Variants in CALN1 observed in about 807,000 individuals in gnomAD.
CALN1 encodes calneuron 1, also known as calcium-binding protein 8.
Under a neutral mutation model 30.6 loss-of-function variants are expected in CALN1, and 17 were observed. The observed-to-expected ratio is 0.56, with a 90% CI of 0.38 to 0.83. The LOEUF (loss-of-function observed/expected upper bound fraction) is 0.83, where lower values mean the gene tolerates loss of function less well. Among genes scored for constraint, CALN1 ranks in the 40% least tolerant of loss-of-function variants. The pLI is 0.00. For missense variants in CALN1, 291 were observed against 354.9 expected, an observed-to-expected ratio of 0.82 and a Z score of 1.45; for synonymous variants, 156 against 131.4, an observed-to-expected ratio of 1.19 and a Z score of -1.28.
intron 1 of CALN1, among the ~76,000 whole-genome samples, chr7:72,406,157 G>A (rs186255972): frequency 5.9e-5 from 9 of 152,198 alleles, no homozygotes; most frequent in Non-Finnish European, 1.0e-4. Context: ...GCCAGAAGCC[G>A]TCTCTCCAGA....
chr7:72,454,837 T>C, the CALN1 span, among the ~76,000 whole-genome samples: 1 of 147,536 alleles, frequency 6.8e-6, no homozygotes, highest in East Asian at 2.0e-4. Flanking sequence ...TCTGGTCTCT[T>C]TTTTTTTTTT....
At chr7:72,079,889 G>C (rs1016276971) in intron 4 of CALN1, among the ~76,000 whole-genome samples, 2 of 148,536 alleles carry the variant, frequency 1.3e-5, no homozygotes, top group Non-Finnish European at 3.0e-5. Flanking sequence ...TCCTGCCTCA[G>C]CCTCCCGAGT....
intron 5 of CALN1, among the ~76,000 whole-genome samples, chr7:71,919,311 G>C (rs1172298399): frequency 6.6e-6 from 1 of 152,176 alleles, no homozygotes; most frequent in Admixed American, 6.5e-5. Flanking sequence ...TTGAATGTAA[G>C]ACTGTCCACC....
At chr7:71,829,951 G>A (rs1423412451) in intron 5 of CALN1, among the ~76,000 whole-genome samples, 1 of 151,970 alleles carries the variant, frequency 6.6e-6, no homozygotes, top group Non-Finnish European at 1.5e-5. Flanking sequence ...TGAAGATGAG[G>A]ACTTACTGAA....
chr7:72,072,705 C>G (rs1476578280), intron 4 of CALN1, among the ~76,000 whole-genome samples: 1 of 152,090 alleles, frequency 6.6e-6, no homozygotes, highest in Non-Finnish European at 1.5e-5. Flanking sequence ...AAGAAATTAT[C>G]AATTTATAGT....
At chr7:72,177,494 G>C (rs1024983615) in intron 3 of CALN1, among the ~76,000 whole-genome samples, 3 of 152,106 alleles carry the variant, frequency 2.0e-5, no homozygotes, top group Non-Finnish European at 2.9e-5. Flanking sequence ...GCGGGGCAAT[G>C]TGGTTCATGC....
intron 2 of CALN1, among the ~76,000 whole-genome samples, chr7:72,326,407 G>C (rs1313517783): frequency 6.6e-6 from 1 of 152,182 alleles, no homozygotes; most frequent in Non-Finnish European, 1.5e-5. Flanking sequence ...TAAAATGGGA[G>C]AAATAAAGCA....
At chr7:72,409,829 C>G (rs368833636) in intron 1 of CALN1, among the ~76,000 whole-genome samples, 9 of 152,102 alleles carry the variant, frequency 5.9e-5, no homozygotes, top group Non-Finnish European at 1.3e-4. Context: ...TCCCTTTTAA[C>G]CACGTTGGGC....
chr7:71,876,965 G>A (rs975444902), intron 5 of CALN1, among the ~76,000 whole-genome samples: 1 of 152,144 alleles, frequency 6.6e-6, no homozygotes, highest in African/African-American at 2.4e-5. Flanking sequence ...GACTTACGTT[G>A]TGTTCAGATA....
At chr7:71,889,904 G>A (rs1288738720) in intron 5 of CALN1, among the ~76,000 whole-genome samples, 1 of 151,716 alleles carries the variant, frequency 6.6e-6, no homozygotes, top group Non-Finnish European at 1.5e-5. Context: ...GGCAGAGGGT[G>A]CAGTGTGCCG....
At chr7:71,816,284 T>G (rs1207897059) in intron 5 of CALN1, among the ~76,000 whole-genome samples, 1 of 152,164 alleles carries the variant, frequency 6.6e-6, no homozygotes, top group Non-Finnish European at 1.5e-5. Context: ...AAACTTGTTT[T>G]CTGCATTAGA....
intron 2 of CALN1, among the ~76,000 whole-genome samples, chr7:72,370,656 CA>C (rs374531193): frequency 0.011 from 1,134 of 100,812 alleles, 15 homozygotes; most frequent in African/African-American, 0.038. Context: ...GACTCCGTCT[CA>C]AAAAAAAAAA....
chr7:72,327,684 G>A (rs1240551227), intron 2 of CALN1, among the ~76,000 whole-genome samples: 4 of 152,040 alleles, frequency 2.6e-5, no homozygotes, highest in Non-Finnish European at 5.9e-5. Context: ...CAAACTTTTG[G>A]GATCCAATGA....
At chr7:72,150,516 G>A (rs145498321) in intron 3 of CALN1, among the ~76,000 whole-genome samples, 6 of 152,292 alleles carry the variant, frequency 3.9e-5, no homozygotes, top group African/African-American at 1.4e-4. Context: ...TCTCCCTTGA[G>A]ATAAACATCA....
At position 72,312,055 on chromosome 7, in the gene CALN1, T is replaced by C. The variant is rs548930277; in HGVS notation, c.120-33245A>G. On this transcript the variant is annotated intron_variant, in intron 2 of 6. Coordinates refer to ENST00000395275, the MANE Select transcript of CALN1 (RefSeq NM_031468.4). ...CCCCAAAGGATACTGTTGACATTTCTGGACATTGCTAAAAGCCACCTGCCC... is the reference window on the plus strand; with the variant it reads ...CCCCAAAGGATACTGTTGACATTTCCGGACATTGCTAAAAGCCACCTGCCC... Among the ~76,000 whole-genome samples the C allele has an allele frequency of 5.3e-5, 8 of 152,264 alleles. No individual in the cohort carries two copies. In the South Asian group the frequency reaches 1.7e-3, roughly 32 times the overall value.
chr7:71,897,729 G>C (rs1793603442), intron 5 of CALN1, among the ~76,000 whole-genome samples: 1 of 151,730 alleles, frequency 6.6e-6, no homozygotes, highest in South Asian at 2.1e-4. Context: ...ATTTCTGTTA[G>C]TGTTCAAATC....
intron 1 of CALN1, among the ~76,000 whole-genome samples, chr7:72,407,466 G>T (rs543019081): frequency 6.6e-6 from 1 of 152,174 alleles, no homozygotes; most frequent in Non-Finnish European, 1.5e-5. Context: ...TGCTGTTCTT[G>T]TGATACAGTT....
At chr7:71,957,777 G>A (rs1276732317) in intron 5 of CALN1, among the ~76,000 whole-genome samples, 1 of 152,084 alleles carries the variant, frequency 6.6e-6, no homozygotes, top group African/African-American at 2.4e-5. Flanking sequence ...AGAAAGTGCA[G>A]GTTTCTGCTG....
Position 72,217,832 on chromosome 7 carries a change from ATTTTTTTTTT to A in CALN1, c.244+60844_244+60853del, listed in dbSNP as rs35736777. Among the ~76,000 whole-genome samples, 103 of 67,336 alleles carry A rather than the reference ATTTTTTTTTT, an allele frequency of 1.5e-3. 1 individual carries two copies. Among genetic ancestry groups the A allele is most frequent in the African/African-American group, 6.2e-3 (95 of 15,426 alleles). The allele number at this position is 67,336 out of a possible 152,430, so 44.2% of individuals were successfully genotyped here. On this transcript the variant is annotated intron_variant, in intron 3 of 6. Transcript: ENST00000395275. ...CCAACTCTACAAAAAAATTAAATAA[ATTTTTTTTTT>A]TTTTTTTTTTTTTTTTTTGAGATGG...
Sources: allele counts gnomAD v4.1 joint callset (sites outside exome capture counted in the v4.1 genomes callset), GRCh38; gene constraint gnomAD v4.1.1; transcripts MANE v1.5; gene names NCBI Gene and HGNC (gene_info 2026-07-23, HGNC 2026-07-21).